Variants in TTC3 observed in about 807,000 individuals in gnomAD.
TTC3 encodes the protein tetratricopeptide repeat domain 3.
TTC3 carries 180 observed loss-of-function variants against 249.6 expected under a neutral mutation model. That is an observed-to-expected ratio of 0.72 (90% CI 0.64 to 0.82). The LOEUF is 0.82. Ranked by LOEUF, TTC3 falls within the 40% of genes least tolerant of loss-of-function variation. TTC3 has a pLI of 0.00. For synonymous variants in TTC3, 717 were observed against 805.0 expected (o/e 0.89, Z 1.85); for missense variants, 2,061 against 2,398.4 (o/e 0.86, Z 2.94).
chr21:37,081,109 CTTTTTTTTTTTT>C (rs58809719), intron 1 of TTC3, among the ~76,000 whole-genome samples: 11 of 58,190 alleles, frequency 1.9e-4, no homozygotes, highest in African/African-American at 2.8e-4. Flanking sequence ...TTATTTATGC[CTTTTTTTTTTTT>C]TTTTTTTTTT....
intron 8 of TTC3, among the ~76,000 whole-genome samples, 185 bp from the exon 9 acceptor site, chr21:37,095,163 GTA>G (rs57143651): frequency 2.1e-4 from 31 of 150,810 alleles, no homozygotes; most frequent in African/African-American, 6.6e-4. Context: ...GTGTGTGTGT[GTA>G]TAGTGGGTGT....
intron 39 of TTC3, among the ~76,000 whole-genome samples, chr21:37,190,044 C>A (rs572714335): frequency 2.7e-4 from 41 of 151,184 alleles, no homozygotes; most frequent in Non-Finnish European, 5.3e-4. Context: ...CTGGTGCTTG[C>A]CTTTTGATTC....
At position 37,182,892 on chromosome 21, in the gene TTC3, AG is replaced by A; in HGVS notation, c.4738del (p.Val1580PhefsTer38). 6.3e-7 allele frequency: 1 copy of A among 1,578,626 alleles called. No homozygotes were observed. On this transcript the variant is annotated frameshift_variant, in exon 36 of 46. Transcript: ENST00000355666. LOFTEE classifies it high-confidence loss of function. ...AAATCACTGAAGAAGAAAATTAAAA[AG>A]GTTTCAAATGCCAGTGAAATGTAAG...
chr21:37,135,429 A>T (rs771397582), exon 18 of TTC3: 1 of 1,613,942 alleles, frequency 6.2e-7, no homozygotes, highest in African/African-American at 1.3e-5. Context: ...CAAGATGGCT[A>T]TATGGCCTTA....
At chr21:37,111,725 C>T (rs149742468) in intron 11 of TTC3, among the ~76,000 whole-genome samples, 3,684 of 152,264 alleles carry the variant, frequency 0.024, 237 homozygotes, top group East Asian at 0.24. Context: ...GAACTCTCCA[C>T]CCCAAATCAA....
chr21:37,097,677 TG>T (rs755045801), intron 10 of TTC3, among the ~76,000 whole-genome samples: 2 of 152,190 alleles, frequency 1.3e-5, no homozygotes, highest in Non-Finnish European at 2.9e-5. Context: ...AATTGAGTGA[TG>T]GAGTAGAGAA....
Position 37,163,359 on chromosome 21 carries a change from A to C in TTC3, c.3171-692A>C, listed in dbSNP as rs182167321. ...TGCTAACATCTTACATTTAAAAAAA[A>C]CTTTTGTTTAGATGGAGTTTCGCTC... On this transcript the variant is annotated intron_variant, in intron 31 of 45. Transcript: ENST00000355666. Among the ~76,000 whole-genome samples, 223 of 152,210 alleles carry C rather than the reference A, an allele frequency of 1.5e-3. 2 individuals are homozygous for C. Among genetic ancestry groups the C allele is most frequent in the African/African-American group, 4.9e-3 (204 of 41,542 alleles).
At chr21:37,117,453 T>C (rs2040341) in intron 11 of TTC3, among the ~76,000 whole-genome samples, 69,087 of 151,934 alleles carry the variant, frequency 0.45, 16,241 homozygotes, top group Non-Finnish European at 0.52. Context: ...TTGAACCTGG[T>C]GTTTGACAGG....
intron 35 of TTC3, among the ~76,000 whole-genome samples, chr21:37,175,913 GC>G (rs11291816): frequency 1 from 151,969 of 151,970 alleles, 75,984 homozygotes; most frequent in Non-Finnish European, 1. Flanking sequence ...GGGATTACAG[GC>G]TGCACGCCAC....
intron 36 of TTC3, among the ~76,000 whole-genome samples, chr21:37,183,401 G>A (rs140662456): frequency 6.6e-4 from 100 of 152,312 alleles, no homozygotes; most frequent in Admixed American, 2.9e-3. Context: ...GGCCAAGAGT[G>A]TGTTTTAAGA....
intron 35 of TTC3, among the ~76,000 whole-genome samples, chr21:37,178,666 T>C (rs2082475803): frequency 6.6e-6 from 1 of 152,196 alleles, no homozygotes; most frequent in African/African-American, 2.4e-5. Flanking sequence ...TATTGACTTA[T>C]AAGAGTTTTT....
At chr21:37,170,755 GATAAA>G (rs1406286416) in intron 34 of TTC3, among the ~76,000 whole-genome samples, 3 of 152,114 alleles carry the variant, frequency 2.0e-5, no homozygotes, top group Admixed American at 6.6e-5. Context: ...TTTTGCTAAT[GATAAA>G]ATAATATATA....
At position 37,160,793 on chromosome 21, in the gene TTC3, A is replaced by G. The variant is rs752680168; in HGVS notation, c.3040-9A>G. 5.8e-5 allele frequency: 94 copies of G among 1,612,290 alleles called. No homozygotes were observed. The highest frequency in any genetic ancestry group is 4.0e-4 in the Admixed American group (24 of 59,702). On this transcript the variant is annotated splice_polypyrimidine_tract_variant and intron_variant, in intron 29 of 45. Transcript: ENST00000355666. Reference sequence around the variant, plus strand: ...TGAGTGTTCACTGATTTTTCCCCCCATTTTTTAGTTTAGTTCAACCAAGGT... The same window carrying G: ...TGAGTGTTCACTGATTTTTCCCCCCGTTTTTTAGTTTAGTTCAACCAAGGT...
chr21:37,190,260 C>T (rs959695133), intron 39 of TTC3, among the ~76,000 whole-genome samples: 3 of 147,440 alleles, frequency 2.0e-5, no homozygotes, highest in Non-Finnish European at 4.4e-5. Flanking sequence ...TCCTGCTTCC[C>T]GAGTAGCTGG....
chr21:37,096,544 A>G (rs762428969), intron 9 of TTC3, 37 bp from the exon 10 acceptor site: 1 of 1,469,938 alleles, frequency 6.8e-7, no homozygotes, highest in Non-Finnish European at 9.4e-7. Context: ...TTTCATGTGT[A>G]ATGTGCTTTA....
intron 2 of TTC3, 116 bp downstream of exon 2, chr21:37,087,517 A>G (rs1235245413): frequency 2.3e-6 from 3 of 1,287,348 alleles, no homozygotes; most frequent in East Asian, 4.6e-5. Flanking sequence ...GGAGGTACAC[A>G]TGCTGTTGAA....
intron 28 of TTC3, chr21:37,158,291 C>T: frequency 2.5e-6 from 2 of 803,454 alleles, no homozygotes; most frequent in Non-Finnish European, 3.0e-6. Context: ...GACACAATTC[C>T]CTCTCAGCAT....
chr21:37,191,871 G>A (rs536803456), intron 40 of TTC3, among the ~76,000 whole-genome samples: 1 of 152,322 alleles, frequency 6.6e-6, no homozygotes, highest in East Asian at 1.9e-4. Context: ...TTGCAGGTGT[G>A]AGCCACCGCG....
At chr21:37,113,217 G>A (rs1381755473) in intron 11 of TTC3, among the ~76,000 whole-genome samples, 2 of 152,086 alleles carry the variant, frequency 1.3e-5, no homozygotes, top group Admixed American at 1.3e-4. Context: ...GGAAATAAAG[G>A]GCATTCAATT....
Sources: allele counts gnomAD v4.1 joint callset (sites outside exome capture counted in the v4.1 genomes callset), GRCh38; gene constraint gnomAD v4.1.1; transcripts MANE v1.5; gene names NCBI Gene and HGNC (gene_info 2026-07-23, HGNC 2026-07-21).